Variants in ZC3H15 observed in about 807,000 individuals in gnomAD.
The protein encoded by ZC3H15 is zinc finger CCCH-type containing 15, also known as zinc finger CCCH domain-containing protein 15.
A neutral mutation model predicts 51.2 loss-of-function variants in ZC3H15; 15 were observed. The observed-to-expected ratio is 0.29, with a 90% CI of 0.20 to 0.45. The LOEUF (loss-of-function observed/expected upper bound fraction) is 0.45, where lower values mean the gene tolerates loss of function less well. Among genes scored for constraint, ZC3H15 ranks in the 20% least tolerant of loss-of-function variants. The probability of loss-of-function intolerance (pLI) is 1.00; values close to 1 mark genes in which losing one functional copy is unlikely to be tolerated. For missense variants in ZC3H15, 381 were observed against 494.7 expected (o/e 0.77, Z 2.18); for synonymous variants, 144 against 162.8 (o/e 0.88, Z 0.88).
intron 3 of ZC3H15, chr2:186,500,573 T>C (rs1685364102): frequency 3.6e-6 from 2 of 558,096 alleles, no homozygotes; most frequent in Admixed American, 2.2e-5. Flanking sequence ...CAGTCTTTGG[T>C]AGTAGGTAAG....
At chr2:186,497,612 T>C (rs1685303777) in intron 2 of ZC3H15, among the ~76,000 whole-genome samples, 1 of 152,124 alleles carries the variant, frequency 6.6e-6, no homozygotes, top group Non-Finnish European at 1.5e-5. Flanking sequence ...AATAAGAAAA[T>C]AATGTAAATT....
At chr2:186,493,406 T>G (rs1259805834) in intron 1 of ZC3H15, among the ~76,000 whole-genome samples, 1 of 152,122 alleles carries the variant, frequency 6.6e-6, no homozygotes. Context: ...TACCTGCTCT[T>G]TTCTCTTGTT....
chr2:186,506,602 C>T, intron 8 of ZC3H15, 111 bp from the exon 9 acceptor site: 1 of 1,280,310 alleles, frequency 7.8e-7, no homozygotes, highest in Non-Finnish European at 1.1e-6. Flanking sequence ...AGTAATTGGT[C>T]TTTTGTTTTC....
At chr2:186,506,660 A>G in intron 8 of ZC3H15, 53 bp from the exon 9 acceptor site, 1 of 1,556,150 alleles carries the variant, frequency 6.4e-7, no homozygotes, top group Non-Finnish European at 8.7e-7. Flanking sequence ...TGTCAGGAGT[A>G]AAAGAAAACT....
intron 1 of ZC3H15, among the ~76,000 whole-genome samples, chr2:186,489,781 CA>C (rs1685164637): frequency 6.6e-6 from 1 of 152,154 alleles, no homozygotes; most frequent in Admixed American, 6.5e-5. Context: ...ATGAAAGGAA[CA>C]CTAGCTTTGG....
chr2:186,492,129 A>G (rs151114589), intron 1 of ZC3H15, among the ~76,000 whole-genome samples: 3 of 152,148 alleles, frequency 2.0e-5, no homozygotes, highest in African/African-American at 7.2e-5. Flanking sequence ...CTCTGTAGTT[A>G]CAGATGGAGC....
At chr2:186,497,759 C>T (rs1559009862) in intron 2 of ZC3H15, among the ~76,000 whole-genome samples, 1 of 152,100 alleles carries the variant, frequency 6.6e-6, no homozygotes. Context: ...AATTCATAAA[C>T]CTGGGAAAGT....
chr2:186,491,977 G>T (rs1014142760), intron 1 of ZC3H15, among the ~76,000 whole-genome samples: 1 of 151,984 alleles, frequency 6.6e-6, no homozygotes, highest in Non-Finnish European at 1.5e-5. Context: ...GGGATCGGGA[G>T]TTTATACACC....
chr2:186,491,159 C>G (rs890146832), intron 1 of ZC3H15, among the ~76,000 whole-genome samples: 18 of 152,110 alleles, frequency 1.2e-4, no homozygotes, highest in Admixed American at 1.3e-4. Flanking sequence ...TGCGCACCAA[C>G]CAGCCCAATA....
intron 9 of ZC3H15, 64 bp downstream of exon 9, chr2:186,506,900 G>C: frequency 6.5e-7 from 1 of 1,537,556 alleles, no homozygotes; most frequent in Non-Finnish European, 8.8e-7. Flanking sequence ...GGTTATACCA[G>C]GCTTGGCAAA....
Position 186,486,476 on chromosome 2 carries a change from C to T in ZC3H15, c.75+19C>T, listed in dbSNP as rs1462370239. On this transcript the variant is annotated intron_variant, in intron 1 of 9. Coordinates refer to ENST00000337859, the MANE Select transcript of ZC3H15 (RefSeq NM_018471.3). ...TATCGAAGTGAGTACCCACCCCTCC[C>T]CCACTCACGCCGCGAGCCCTCCGGA... is the stretch of plus-strand genomic sequence containing the variant. 3 of 1,534,166 alleles carry T rather than the reference C, an allele frequency of 2.0e-6. No individual in the cohort carries two copies. Among genetic ancestry groups the T allele is most frequent in the Admixed American group, 4.1e-5 (2 of 48,978 alleles).
chr2:186,505,354 T>C, intron 6 of ZC3H15, 97 bp from the exon 7 acceptor site: 1 of 1,389,472 alleles, frequency 7.2e-7, no homozygotes, highest in Admixed American at 2.7e-5. Context: ...TTCAGGATAG[T>C]CATGGGCAAG....
intron 1 of ZC3H15, chr2:186,486,748 C>T (rs1264627081): frequency 1.1e-5 from 4 of 370,232 alleles, no homozygotes; most frequent in Non-Finnish European, 1.9e-5. Flanking sequence ...AGGGTTTTAT[C>T]CTTCGCTAGT....
intron 2 of ZC3H15, among the ~76,000 whole-genome samples, chr2:186,496,921 C>T (rs759744029): frequency 7.9e-5 from 12 of 152,182 alleles, no homozygotes; most frequent in Admixed American, 1.3e-4. Flanking sequence ...CTTGACTGTA[C>T]ATTAAAGTCT....
At chr2:186,508,320 T>G (rs1189658601) in intron 9 of ZC3H15, among the ~76,000 whole-genome samples, 1 of 152,162 alleles carries the variant, frequency 6.6e-6, no homozygotes, top group African/African-American at 2.4e-5. Context: ...CATTAAGTAG[T>G]CAAATGGCTA....
rs1169103648 is a variant in ZC3H15, at chr2:186,501,256, T to C, written c.290-17T>C. 2 of 1,591,394 alleles carry C rather than the reference T, an allele frequency of 1.3e-6. No individual in the cohort carries two copies. Among genetic ancestry groups the C allele is most frequent in the Non-Finnish European group, 8.6e-7 (1 of 1,169,074 alleles). On this transcript the variant is annotated splice_polypyrimidine_tract_variant and intron_variant, in intron 3 of 9. Coordinates refer to ENST00000337859, the MANE Select transcript of ZC3H15 (RefSeq NM_018471.3). The stretch of plus-strand genomic sequence containing the variant: ...CTGGCAGATTATAATACAAATACCA[T>C]ATGCCATTTGACATAGGTGCAGATC...
intron 4 of ZC3H15, among the ~76,000 whole-genome samples, chr2:186,502,144 G>A (rs1685395596): frequency 6.6e-6 from 1 of 152,058 alleles, no homozygotes; most frequent in Non-Finnish European, 1.5e-5. Context: ...GAGCCCAAGA[G>A]TTCAAGACCA....
rs754054263 is a variant in ZC3H15 at position 186,502,569 on chromosome 2, A to G, written c.516A>G (p.Lys172=). ...VNKKHGEAEK[K]KPKTQIVCKH... is the part of the protein sequence containing the mutation. Reference sequence around the variant, plus strand: ...AGAAGCACGGTGAGGCGGAAAAGAAAAAACCAAAAACTCAAATAGTATGTC... The same window carrying G: ...AGAAGCACGGTGAGGCGGAAAAGAAGAAACCAAAAACTCAAATAGTATGTC... The change falls in exon 5 of 10, where the codon AAA becomes AAG. Residue 172 remains lysine (K), a synonymous_variant. Transcript: ENST00000337859. 1.9e-6 allele frequency: 3 copies of G among 1,611,644 alleles called. No individual in the cohort carries two copies. Among genetic ancestry groups the G allele is most frequent in the Admixed American group, 3.3e-5 (2 of 59,728 alleles).
intron 2 of ZC3H15, among the ~76,000 whole-genome samples, chr2:186,496,071 T>C (rs1172593187): frequency 1.3e-5 from 2 of 152,258 alleles, no homozygotes; most frequent in African/African-American, 4.8e-5. Flanking sequence ...GCACCAATTT[T>C]TAACTTACAT....
Sources: gnomAD v4.1 joint callset for allele counts (sites outside exome capture counted in the v4.1 genomes callset) on GRCh38, gnomAD v4.1.1 for gene constraint, MANE v1.5 for transcripts, NCBI Gene and HGNC (gene_info 2026-07-23, HGNC 2026-07-21) for gene names.